INSC: variants seen among roughly 807,000 people sequenced by gnomAD.
INSC encodes INSC spindle orientation adaptor protein, also known as protein inscuteable homolog.
Under a neutral mutation model 58.6 loss-of-function variants are expected in INSC, and 67 were observed. That is an observed-to-expected ratio of 1.14 (90% CI 0.94 to 1.40). The LOEUF is 1.40. Ranked by LOEUF, INSC falls within the 40% of genes most tolerant of loss-of-function variation. The pLI, the probability that INSC is intolerant of heterozygous loss-of-function variation, is 0.00. For missense variants in INSC, 714 were observed against 692.0 expected (o/e 1.03, Z -0.36); for synonymous variants, 262 against 276.1 (o/e 0.95, Z 0.51).
chr11:15,257,735 G>A, the INSC span, among the ~76,000 whole-genome samples: 1 of 152,162 alleles, frequency 6.6e-6, no homozygotes, highest in Non-Finnish European at 1.5e-5. Flanking sequence ...ACCATGTGAA[G>A]CTGGAGTTAT....
At chr11:15,152,833 C>G (rs1848696549) in intron 2 of INSC, among the ~76,000 whole-genome samples, 1 of 152,118 alleles carries the variant, frequency 6.6e-6, no homozygotes, top group Non-Finnish European at 1.5e-5. Flanking sequence ...AATCTCGGTA[C>G]CACATCACAA....
chr11:15,259,037 C>T, the INSC span, among the ~76,000 whole-genome samples: 1 of 152,136 alleles, frequency 6.6e-6, no homozygotes, highest in Non-Finnish European at 1.5e-5. Context: ...AAAATCTTGT[C>T]AGCTCCTGGT....
intron 9 of INSC, among the ~76,000 whole-genome samples, chr11:15,233,305 C>T (rs898671920): frequency 6.6e-6 from 1 of 152,182 alleles, no homozygotes; most frequent in Non-Finnish European, 1.5e-5. Context: ...GTCTGCCTGG[C>T]TCCTGCACTC....
At chr11:15,248,671 T>A (rs533039120), downstream of INSC, among the ~76,000 whole-genome samples, 4 of 152,324 alleles carry the variant, frequency 2.6e-5, no homozygotes, top group African/African-American at 7.2e-5. Context: ...TGGTCGCTAA[T>A]ATCACAGAAC....
At chr11:15,229,690 G>A (rs984786442) in intron 9 of INSC, among the ~76,000 whole-genome samples, 1 of 151,674 alleles carries the variant, frequency 6.6e-6, no homozygotes, top group African/African-American at 2.4e-5. Context: ...GGGATGGGTC[G>A]GAGACAGGGA....
chr11:15,158,860 GTTTTTTTTTTT>G lies in INSC; in HGVS notation c.56+9641_56+9651del, dbSNP rs529518368. On this transcript the variant is annotated intron_variant, in intron 2 of 12. Transcript: ENST00000379556. The stretch of plus-strand genomic sequence containing the variant: ...ATTATAACCAGATGAATTGTTGGTG[GTTTTTTTTTTT>G]TTTTTTTTTTGCCTGTTTGGGTCTT... 4.7e-4 allele frequency among the ~76,000 whole-genome samples: 52 copies of G among 109,676 alleles called. No homozygotes were observed. In the Admixed American group the frequency reaches 5.0e-3, roughly 11 times the overall value. 72.0% of individuals were successfully genotyped at this position (109,676 alleles called of 152,430 possible). A position where few individuals can be genotyped will look rare whatever the true frequency, so the allele number is the denominator to read the frequency against.
chr11:15,228,885 C>T (rs949183525), intron 9 of INSC, among the ~76,000 whole-genome samples: 2 of 152,182 alleles, frequency 1.3e-5, no homozygotes, highest in Admixed American at 1.3e-4. Context: ...GACCTAGGCT[C>T]TTCTATACCC....
the INSC span, among the ~76,000 whole-genome samples, chr11:15,255,941 C>T: frequency 6.6e-6 from 1 of 152,166 alleles, no homozygotes; most frequent in Non-Finnish European, 1.5e-5. Flanking sequence ...GTTAACATGG[C>T]ATTCTCTTGT....
chr11:15,125,604 G>A (rs1478675354), intron 1 of INSC, among the ~76,000 whole-genome samples: 1 of 152,040 alleles, frequency 6.6e-6, no homozygotes, highest in Non-Finnish European at 1.5e-5. Context: ...CTACATATGA[G>A]GCCCCTTAGC....
chr11:15,205,064 C>T (rs1226314745), intron 7 of INSC, among the ~76,000 whole-genome samples: 2 of 152,132 alleles, frequency 1.3e-5, no homozygotes, highest in African/African-American at 4.8e-5. Context: ...TTCGTCTCTG[C>T]TTCTTCATTC....
chr11:15,246,099 G>A lies in INSC; in HGVS notation c.*59G>A. Reference sequence around the variant, plus strand: ...TCACACCCCCTCTGACTATGCACCAGTGAACACATCTGAGTACATACCAGC... The same window carrying A: ...TCACACCCCCTCTGACTATGCACCAATGAACACATCTGAGTACATACCAGC... On this transcript the variant is annotated 3_prime_UTR_variant, in exon 13 of 13. Transcript: ENST00000379556. 1 of 1,594,296 alleles carries A rather than the reference G, an allele frequency of 6.3e-7. No individual in the cohort carries two copies.
chr11:15,137,462 T>A (rs1275711059), intron 1 of INSC, among the ~76,000 whole-genome samples: 3 of 152,242 alleles, frequency 2.0e-5, no homozygotes, highest in Non-Finnish European at 2.9e-5. Flanking sequence ...TTGTCTCCAT[T>A]GAAGATCTGT....
chr11:15,149,284 T>A, intron 2 of INSC, 54 bp downstream of exon 2: 1 of 1,411,722 alleles, frequency 7.1e-7, no homozygotes, highest in South Asian at 1.7e-5. Context: ...GAACCGTGAC[T>A]GAGGCCCAGT....
chr11:15,205,401 A>G (rs926807859), intron 7 of INSC, among the ~76,000 whole-genome samples: 2 of 152,126 alleles, frequency 1.3e-5, no homozygotes, highest in African/African-American at 2.4e-5. Context: ...GAGCTTGGAT[A>G]TGTTATCCTG....
rs577281086 is a variant in INSC, at chr11:15,231,267, G to A, written c.1171-4335G>A. ...GAGGAAGTGGTGTGGAGGGAAGAGG[G>A]TGGAGAGAAGCACTGGGCTTCCCCT... On this transcript the variant is annotated intron_variant, in intron 9 of 12. Coordinates refer to ENST00000379556, the MANE Select transcript of INSC (RefSeq NM_001042536.3). 5.3e-5 allele frequency among the ~76,000 whole-genome samples: 8 copies of A among 152,322 alleles called. No homozygotes were observed. In the East Asian group the frequency reaches 1.5e-3, roughly 29 times the overall value.
At chr11:15,220,091 T>A (rs1188476156) in intron 7 of INSC, among the ~76,000 whole-genome samples, 1 of 152,228 alleles carries the variant, frequency 6.6e-6, no homozygotes, top group Non-Finnish European at 1.5e-5. Flanking sequence ...TCACAGCTAA[T>A]GGACCTTACA....
chr11:15,268,090 G>C, the INSC span, among the ~76,000 whole-genome samples: 1 of 151,928 alleles, frequency 6.6e-6, no homozygotes, highest in African/African-American at 2.4e-5. Flanking sequence ...CACTCATTAG[G>C]TTGTCAGATG....
At chr11:15,126,501 G>C (rs1366640748) in intron 1 of INSC, among the ~76,000 whole-genome samples, 3 of 152,142 alleles carry the variant, frequency 2.0e-5, no homozygotes, top group African/African-American at 7.2e-5. Flanking sequence ...TGGGGTCACT[G>C]GATTGTAGGA....
At chr11:15,222,412 G>A (rs1851479224) in intron 8 of INSC, among the ~76,000 whole-genome samples, 1 of 152,060 alleles carries the variant, frequency 6.6e-6, no homozygotes, top group Admixed American at 6.5e-5. Flanking sequence ...GAAAATTTAG[G>A]ATTAGCTCTT....
Sources: gnomAD v4.1 joint callset for allele counts (sites outside exome capture counted in the v4.1 genomes callset) on GRCh38, gnomAD v4.1.1 for gene constraint, MANE v1.5 for transcripts, NCBI Gene and HGNC (gene_info 2026-07-23, HGNC 2026-07-21) for gene names.